The following CHD8 variants were observed in gnomAD, a reference collection of about 807,000 sequenced individuals.
CHD8 encodes the protein chromodomain helicase DNA binding protein 8.
Under a neutral mutation model 279.2 loss-of-function variants are expected in CHD8, and 31 were observed. That is an observed-to-expected ratio of 0.11 (90% CI 0.08 to 0.15). CHD8 has a LOEUF of 0.15. Among genes scored for constraint, CHD8 ranks in the 10% least tolerant of loss-of-function variants. The pLI, the probability that CHD8 is intolerant of heterozygous loss-of-function variation, is 1.00. For missense variants in CHD8, 2,146 were observed against 3,230.5 expected, an observed-to-expected ratio of 0.66 and a Z score of 8.14; for synonymous variants, 1,081 against 1,139.6, an observed-to-expected ratio of 0.95 and a Z score of 1.04.
At position 21,430,822 on chromosome 14, in the gene CHD8, T is replaced by G; in HGVS notation, c.822A>C (p.Thr274=). The G allele has an allele frequency of 5.0e-6, 8 of 1,598,440 alleles. No individual in the cohort carries two copies. Among genetic ancestry groups the G allele is most frequent in the South Asian group, 1.1e-5 (1 of 91,004 alleles). The change falls in exon 2 of 38, where the codon ACA becomes ACC. Residue 274 remains threonine (T), a synonymous_variant. Transcript: ENST00000646647. ...ATGPPLKPAV[T]LTSTPTQGES... is the part of the protein sequence containing the mutation. ...TCACCTGGGTAGGTGTAGAGGTCAG[T>G]GTAACTGCAGGCTTCAGTGGGGGCC...
rs1401616282 is a variant in CHD8, at chr14:21,403,679, T to C, written c.3308-16A>G. ...TCTTCAGCACCTGCCAAAAGAAAAA[T>C]CAAATTATGTTGAGATCCAGTGAAC... On this transcript the variant is annotated splice_polypyrimidine_tract_variant and intron_variant, in intron 16 of 37. Transcript: ENST00000646647. The surrounding 1 kb of genome is among the most constrained non-coding windows in gnomAD (Gnocchi z 4.3). The C allele has an allele frequency of 6.4e-7, 1 of 1,556,566 alleles. No individual in the cohort carries two copies. The highest frequency in any genetic ancestry group is 8.7e-7 in the Non-Finnish European group (1 of 1,146,702).
At chr14:21,440,073 G>A (rs554786509) in intron 1 of CHD8, among the ~76,000 whole-genome samples, 76 of 152,134 alleles carry the variant, frequency 5.0e-4, no homozygotes, top group Non-Finnish European at 3.7e-4. Context: ...GTATGTATGT[G>A]GGAAGAGGGT....
intron 37 of CHD8, among the ~76,000 whole-genome samples, chr14:21,386,848 A>G (rs2139430851): frequency 6.6e-6 from 1 of 152,292 alleles, no homozygotes; most frequent in East Asian, 1.9e-4. Context: ...AAAAAAAAAA[A>G]AAAATCACTC....
In CHD8 at chr14:21,415,712, G is replaced by C; in HGVS notation, c.1899+13C>G. ...AAGGCAATCCTCTGAAATCATTTGA[G>C]TTTACAGCTTACCACAAAGAACTGC... On this transcript the variant is annotated intron_variant, in intron 6 of 37. Coordinates refer to ENST00000646647, the MANE Select transcript of CHD8 (RefSeq NM_001170629.2). The C allele has an allele frequency of 6.2e-7, 1 of 1,613,564 alleles. No individual in the cohort carries two copies.
Position 21,405,584 on chromosome 14 carries a change from A to G in CHD8, c.3052-120T>C. 6.9e-7 allele frequency: 1 copy of G among 1,458,176 alleles called. No homozygotes were observed. The highest frequency in any genetic ancestry group is 9.3e-7 in the Non-Finnish European group (1 of 1,074,866). The allele number at this position is 1,458,176 out of a possible 1,614,324, so 90.3% of individuals were successfully genotyped here. A position where few individuals can be genotyped will look rare whatever the true frequency, so the allele number is the denominator to read the frequency against. ...ATCTAAGAAATGTATACTTTGGATG[A>G]TGCCACAAATGATGTAGGCACAAGG... On this transcript the variant is annotated intron_variant, in intron 15 of 37. Coordinates refer to ENST00000646647, the MANE Select transcript of CHD8 (RefSeq NM_001170629.2). This position sits in a 1 kb window ranked among gnomAD's most constrained non-coding sequence, Gnocchi z 4.2.
chr14:21,390,749 GC>G (rs1237080367), intron 37 of CHD8, among the ~76,000 whole-genome samples, 197 bp downstream of exon 37: 2 of 139,430 alleles, frequency 1.4e-5, no homozygotes, highest in South Asian at 2.5e-4. Context: ...CTGCACGACA[GC>G]AGAGTGAGAC....
chr14:21,440,695 C>T (rs546331446), intron 1 of CHD8, among the ~76,000 whole-genome samples: 4 of 152,170 alleles, frequency 2.6e-5, no homozygotes, highest in East Asian at 3.9e-4. Context: ...AAGTGTAAAT[C>T]GCGAAGAAGG....
Position 21,402,811 on chromosome 14 carries a change from C to T in CHD8, c.3714+206G>A, listed in dbSNP as rs924752847. Among the ~76,000 whole-genome samples, 2 of 152,198 alleles carry T rather than the reference C, an allele frequency of 1.3e-5. No individual in the cohort carries two copies. Among genetic ancestry groups the T allele is most frequent in the African/African-American group, 4.8e-5 (2 of 41,440 alleles). On this transcript the variant is annotated intron_variant, in intron 18 of 37. Transcript: ENST00000646647. This position sits in a 1 kb window ranked among gnomAD's most constrained non-coding sequence, Gnocchi z 4.5. ...TACAGGACTTGGAGATAAGCAGTTG[C>T]AACAAAGACTCGATGGCTCACAAAG... is the stretch of plus-strand genomic sequence containing the variant.
chr14:21,385,312 G>A lies in CHD8; in HGVS notation c.*301C>T, dbSNP rs1038575381. On this transcript the variant is annotated 3_prime_UTR_variant, in exon 38 of 38. Coordinates refer to ENST00000646647, the MANE Select transcript of CHD8 (RefSeq NM_001170629.2). Reference sequence around the variant, plus strand: ...GGCTCTGCCAGAGGCTAGGGCCAGCGCTACATAGTCTGTGGTTAATGGAGG... The same window carrying A: ...GGCTCTGCCAGAGGCTAGGGCCAGCACTACATAGTCTGTGGTTAATGGAGG... The A allele has an allele frequency of 1.3e-5, 5 of 394,950 alleles. No homozygotes were observed. Among genetic ancestry groups the A allele is most frequent in the Admixed American group, 4.2e-5 (1 of 23,686 alleles). The allele number at this position is 394,950 out of a possible 1,614,324, so 24.5% of individuals were successfully genotyped here.
chr14:21,441,757 T>C (rs150214617), intron 1 of CHD8, among the ~76,000 whole-genome samples: 2,859 of 152,048 alleles, frequency 0.019, 78 homozygotes, highest in African/African-American at 0.061. Context: ...GGCGTGGTGG[T>C]GGGCACCTGT....
chr14:21,452,970 G>A (rs61973194), intron 1 of CHD8, among the ~76,000 whole-genome samples: 4,223 of 149,488 alleles, frequency 0.028, 111 homozygotes, highest in African/African-American at 0.045. Context: ...GTGACACAGC[G>A]AGACTCCATC....
chr14:21,387,560 G>GGCT (rs1442312960), intron 37 of CHD8, among the ~76,000 whole-genome samples: 9 of 151,888 alleles, frequency 5.9e-5, no homozygotes, highest in African/African-American at 1.9e-4. Context: ...CTTGAACCCA[G>GGCT]GAGGCGGAGA....
At position 21,402,706 on chromosome 14, in the gene CHD8, T is replaced by C. The variant is rs1421687081; in HGVS notation, c.3715-203A>G. On this transcript the variant is annotated intron_variant, in intron 18 of 37. Transcript: ENST00000646647. The surrounding 1 kb of genome is among the most constrained non-coding windows in gnomAD (Gnocchi z 4.5). ...GCAAACTAAAGTCTGTGTGGACATC[T>C]GTTTTTAAAAATAAAGTTCAATGGG... 1.3e-5 allele frequency among the ~76,000 whole-genome samples: 2 copies of C among 152,202 alleles called. No individual in the cohort carries two copies. Among genetic ancestry groups the C allele is most frequent in the African/African-American group, 2.4e-5 (1 of 41,450 alleles).
chr14:21,407,275 A>G (rs1282365267), intron 13 of CHD8, among the ~76,000 whole-genome samples: 1 of 152,162 alleles, frequency 6.6e-6, no homozygotes. Context: ...GAGGCTAGAC[A>G]TTTTTTACTC....
chr14:21,449,695 T>C (rs555500342), intron 1 of CHD8, among the ~76,000 whole-genome samples: 1 of 152,372 alleles, frequency 6.6e-6, no homozygotes, highest in South Asian at 2.1e-4. Flanking sequence ...TTTATGTTTG[T>C]AGGAATATGT....
chr14:21,405,888 A>G lies in CHD8; in HGVS notation c.2908-24T>C. The G allele has an allele frequency of 1.9e-6, 3 of 1,592,506 alleles. No individual in the cohort carries two copies. Among genetic ancestry groups the G allele is most frequent in the Non-Finnish European group, 2.6e-6 (3 of 1,170,836 alleles). Reference sequence around the variant, plus strand: ...TCCTAGAAATGGAGGAAACAAAAGAATAAAATTTAAAAACATGAAGGACTT... The same window carrying G: ...TCCTAGAAATGGAGGAAACAAAAGAGTAAAATTTAAAAACATGAAGGACTT... On this transcript the variant is annotated intron_variant, in intron 14 of 37. Coordinates refer to ENST00000646647, the MANE Select transcript of CHD8 (RefSeq NM_001170629.2). This position sits in a 1 kb window ranked among gnomAD's most constrained non-coding sequence, Gnocchi z 4.2.
Position 21,406,988 on chromosome 14 carries a change from G to T in CHD8, c.2775C>A (p.Thr925=), listed in dbSNP as rs767683235. 16 of 1,602,000 alleles carry T rather than the reference G, an allele frequency of 1.0e-5. No homozygotes were observed. The highest frequency in any genetic ancestry group is 1.3e-5 in the African/African-American group (1 of 74,754). The part of the protein sequence containing the change: ...PGAYKFDALI[T]TFEMILSDCP... ...AATCTGACAAAATCATCTCAAAAGT[G>T]GTGATCAGAGCGTCAAACTTGTATG... Residue 925 remains threonine, a synonymous_variant, in exon 14 of 38, where the codon ACC becomes ACA. Transcript: ENST00000646647.
intron 1 of CHD8, among the ~76,000 whole-genome samples, chr14:21,455,666 G>A (rs960205462): frequency 6.6e-6 from 1 of 152,222 alleles, no homozygotes; most frequent in Non-Finnish European, 1.5e-5. Context: ...AAAGTATGGA[G>A]TAACCAAACG....
rs749299920 is a variant in CHD8, at chr14:21,413,042, C to T, written c.2143-46G>A. 4.7e-5 allele frequency: 53 copies of T among 1,133,230 alleles called. No homozygotes were observed. The East Asian group carries it at 8.1e-4, about 17-fold the overall frequency. The allele number at this position is 1,133,230 out of a possible 1,614,324, so 70.2% of individuals were successfully genotyped here. ...AACAATAAGACCAAAAGATCACTGT[C>T]CAGTAAACCCACTCCTCTACCTCAC... On this transcript the variant is annotated intron_variant, in intron 9 of 37. Transcript: ENST00000646647.
Sources: allele counts gnomAD v4.1 joint callset (sites outside exome capture counted in the v4.1 genomes callset), GRCh38; gene constraint gnomAD v4.1.1; non-coding constraint Gnocchi (gnomAD v3.1); transcripts MANE v1.5; gene names NCBI Gene and HGNC (gene_info 2026-07-23, HGNC 2026-07-21).